Variants in DGKD observed in about 807,000 individuals in gnomAD.
The protein encoded by DGKD is DAG kinase delta.
A neutral mutation model predicts 154.4 loss-of-function variants in DGKD; 68 were observed. The ratio of observed to expected loss-of-function variants is 0.44; its 90% CI spans 0.36 to 0.54. The LOEUF is 0.54. DGKD is among the 20% of genes least tolerant of loss of function. DGKD has a pLI of 0.00. For synonymous variants in DGKD, 693 were observed against 638.0 expected (o/e 1.09, Z -1.30); for missense variants, 1,343 against 1,593.6 (o/e 0.84, Z 2.68).
rs1019268668 is a variant in DGKD, at chr2:233,438,132, G to A, written c.923-85G>A. The A allele has an allele frequency of 6.8e-7, 1 of 1,471,748 alleles. No individual in the cohort carries two copies. The highest frequency in any genetic ancestry group is 9.3e-7 in the Non-Finnish European group (1 of 1,075,560). 91.2% of individuals were successfully genotyped at this position (1,471,748 alleles called of 1,614,324 possible). ...TGTGTCAGGTGTGTGTCCTTTGGGG[G>A]GGTCTGCTGCTGCTGATTCCATCAG... On this transcript the variant is annotated intron_variant, in intron 8 of 29. Transcript: ENST00000264057. This position sits in a 1 kb window ranked among gnomAD's most constrained non-coding sequence, Gnocchi z 4.1.
intron 1 of DGKD, among the ~76,000 whole-genome samples, chr2:233,356,971 A>G (rs895337117): frequency 3.3e-5 from 5 of 152,238 alleles, no homozygotes; most frequent in African/African-American, 1.2e-4. Context: ...AAGGAATGTA[A>G]TCTAGGGGAG....
intron 1 of DGKD, among the ~76,000 whole-genome samples, chr2:233,385,473 T>C (rs552373716): frequency 6.6e-6 from 1 of 152,338 alleles, no homozygotes; most frequent in South Asian, 2.1e-4. Flanking sequence ...TGTCTCTGAT[T>C]GGAATAAGGG....
Position 233,440,287 on chromosome 2 carries a change from G to A in DGKD, c.1086-1600G>A, listed in dbSNP as rs557961904. ...CTCCCGAGAGCAGGGGGCCTTACAGGTGTCAGTGTTCTGTGTGGAGCCTGG... is the reference window on the plus strand; with the variant it reads ...CTCCCGAGAGCAGGGGGCCTTACAGATGTCAGTGTTCTGTGTGGAGCCTGG... On this transcript the variant is annotated intron_variant, in intron 9 of 29. Coordinates refer to ENST00000264057, the MANE Select transcript of DGKD (RefSeq NM_152879.3). The surrounding 1 kb of genome is among the most constrained non-coding windows in gnomAD (Gnocchi z 4.9). Among the ~76,000 whole-genome samples, 370 of 152,274 alleles carry A rather than the reference G, an allele frequency of 2.4e-3. 1 individual carries two copies. Among genetic ancestry groups the A allele is most frequent in the Non-Finnish European group, 4.2e-3 (283 of 68,024 alleles).
At chr2:233,463,456 C>CCACGCGTGTCCTCACTG (rs2063723276) in intron 26 of DGKD, among the ~76,000 whole-genome samples, 2 of 105,714 alleles carry the variant, frequency 1.9e-5, no homozygotes, top group South Asian at 3.7e-4. Context: ...TCTCCTCACT[C>CCACGCGTGTCCTCACTG]CACGCATGTC....
intron 4 of DGKD, 93 bp downstream of exon 4, chr2:233,434,577 A>G: frequency 7.0e-7 from 1 of 1,431,204 alleles, no homozygotes; most frequent in African/African-American, 1.4e-5. Flanking sequence ...GCGGACCCAC[A>G]GTCTGGAGCT....
At chr2:233,376,225 C>T (rs72978393) in intron 1 of DGKD, among the ~76,000 whole-genome samples, 3 of 152,120 alleles carry the variant, frequency 2.0e-5, no homozygotes, top group Admixed American at 1.3e-4. Flanking sequence ...CTGGTTATGG[C>T]TATAATTTAG....
chr2:233,404,775 A>G (rs2061643506), intron 3 of DGKD, among the ~76,000 whole-genome samples: 1 of 152,094 alleles, frequency 6.6e-6, no homozygotes, highest in African/African-American at 2.4e-5. Context: ...AAGCTGGTGG[A>G]GGAAGACATG....
chr2:233,449,195 C>A lies in DGKD; in HGVS notation c.1707C>A (p.Thr569=). Residue 569 remains threonine, a synonymous_variant, in exon 15 of 30, where the codon ACC becomes ACA. Transcript: ENST00000264057. This position sits in a 1 kb window ranked among gnomAD's most constrained non-coding sequence, Gnocchi z 5.3. Reference sequence around the variant, plus strand: ...CCTCTCTGCCCAACCCGCCCCCCACCATTGCCGAGGAGGCTGAAGATGGAG... The same window carrying A: ...CCTCTCTGCCCAACCCGCCCCCCACAATTGCCGAGGAGGCTGAAGATGGAG... ...ASSSLPNPPP[T]IAEEAEDGDG... 1 of 1,613,882 alleles carries A rather than the reference C, an allele frequency of 6.2e-7. No homozygotes were observed. The highest frequency in any genetic ancestry group is 8.5e-7 in the Non-Finnish European group (1 of 1,179,972).
chr2:233,362,567 C>T (rs761528160), intron 1 of DGKD, among the ~76,000 whole-genome samples: 10 of 152,148 alleles, frequency 6.6e-5, no homozygotes, highest in Non-Finnish European at 1.3e-4. Context: ...AGGAGCATCG[C>T]TTGAACCTGG....
At chr2:233,388,852 T>C in intron 2 of DGKD, 1 of 150,554 alleles carries the variant, frequency 6.6e-6, no homozygotes, top group Non-Finnish European at 1.5e-5. Context: ...TTCAAGCAAT[T>C]CTCCTGCCTC....
chr2:233,407,164 C>T (rs531657713), intron 3 of DGKD, among the ~76,000 whole-genome samples: 1 of 152,186 alleles, frequency 6.6e-6, no homozygotes, highest in East Asian at 1.9e-4. Flanking sequence ...CTAATCTCCA[C>T]CACCAGTCAT....
chr2:233,386,761 C>G (rs941521684), intron 1 of DGKD, among the ~76,000 whole-genome samples: 2 of 152,192 alleles, frequency 1.3e-5, no homozygotes, highest in Non-Finnish European at 2.9e-5. Context: ...CGCTGATCCT[C>G]TAGAGTTGGA....
Position 233,460,359 on chromosome 2 carries a change from C to T in DGKD, c.2981+14C>T. The T allele has an allele frequency of 6.2e-7, 1 of 1,613,476 alleles. No individual in the cohort carries two copies. The highest frequency in any genetic ancestry group is 1.3e-5 in the African/African-American group (1 of 75,028). ...CCTCATTCACAGGTGGGCTCCTACC[C>T]CTCTGCGTTGCGCATGAGCCTCCCC... On this transcript the variant is annotated intron_variant, in intron 24 of 29. Coordinates refer to ENST00000264057, the MANE Select transcript of DGKD (RefSeq NM_152879.3).
At position 233,448,276 on chromosome 2, in the gene DGKD, A is replaced by G; in HGVS notation, c.1515A>G (p.Lys505=). The G allele has an allele frequency of 1.2e-6, 2 of 1,614,080 alleles. No individual in the cohort carries two copies. The highest frequency in any genetic ancestry group is 1.7e-6 in the Non-Finnish European group (2 of 1,180,004). The change falls in exon 14 of 30, where the codon AAA becomes AAG. Residue 505 remains lysine, a splice_region_variant and synonymous_variant. Coordinates refer to ENST00000264057, the MANE Select transcript of DGKD (RefSeq NM_152879.3). The stretch of plus-strand genomic sequence containing the variant: ...GGTCTTTCTGTTTTTCTCCCCACAG[A>G]GTGCTCTGTGAGACGGTGAAGGACT... ...DQHSVVISSA[K]VLCETVKDFV... is the part of the protein sequence containing the mutation.
In DGKD at chr2:233,467,125, A is replaced by C. The variant is rs1382282673; in HGVS notation, c.3346A>C (p.Lys1116Gln). 3 of 1,614,230 alleles carry C rather than the reference A, an allele frequency of 1.9e-6. No individual in the cohort carries two copies. The highest frequency in any genetic ancestry group is 2.5e-6 in the Non-Finnish European group (3 of 1,180,030). ...TCTTGCCAAGCGCAGTCGCAGTGGT[A>C]AATTCCGCCTCGTGACCAAGTTTAA... ...LDLAKRSRSG[K>Q]FRLVTKFKKE... Residue 1116 changes from lysine (K) to glutamine (Q), a missense_variant, in exon 28 of 30, where the codon AAA (lysine) becomes CAA (glutamine). Lys to Gln is a moderately conservative substitution (Grantham distance 53). This residue lies in a region of DGKD where 429 missense variants were observed against 496.3 expected (regional missense o/e 0.86). Coordinates refer to ENST00000264057, the MANE Select transcript of DGKD (RefSeq NM_152879.3).
chr2:233,448,501 C>T (rs566522098), intron 14 of DGKD, 126 bp downstream of exon 14: 4 of 795,342 alleles, frequency 5.0e-6, no homozygotes, highest in African/African-American at 3.5e-5. Flanking sequence ...TTAGACAAAA[C>T]GCACAGTAAA....
intron 1 of DGKD, among the ~76,000 whole-genome samples, chr2:233,365,489 C>T (rs1701981778): frequency 1.3e-5 from 2 of 152,178 alleles, no homozygotes; most frequent in South Asian, 4.1e-4. Flanking sequence ...AGGTGATCCA[C>T]CTGCCTCGGC....
intron 19 of DGKD, among the ~76,000 whole-genome samples, chr2:233,455,714 CCT>C: frequency 6.6e-6 from 1 of 152,256 alleles, no homozygotes; most frequent in East Asian, 1.9e-4. Flanking sequence ...CACGTGGCCC[CCT>C]GTGGCCTCGC....
intron 2 of DGKD, chr2:233,388,870 C>G (rs1703385669): frequency 6.6e-6 from 1 of 151,670 alleles, no homozygotes; most frequent in Non-Finnish European, 1.5e-5. Flanking sequence ...CTCAGCCTCC[C>G]AAGTAGCTGG....
Sources: allele counts gnomAD v4.1 joint callset (sites outside exome capture counted in the v4.1 genomes callset), GRCh38; gene constraint gnomAD v4.1.1; regional missense constraint gnomAD v4.1.1; non-coding constraint Gnocchi (gnomAD v3.1); transcripts MANE v1.5; gene names NCBI Gene and HGNC (gene_info 2026-07-23, HGNC 2026-07-21).